Variants in PDZRN4 observed in about 807,000 individuals in gnomAD.
The protein encoded by PDZRN4 is PDZ domain containing ring finger 4.
PDZRN4 carries 70 observed loss-of-function variants against 99.0 expected under a neutral mutation model. That is an observed-to-expected ratio of 0.71 (90% CI 0.58 to 0.86). The LOEUF (loss-of-function observed/expected upper bound fraction) is 0.86, where lower values mean the gene tolerates loss of function less well. PDZRN4 is among the 40% of genes least tolerant of loss of function. The pLI is 0.00. For missense variants in PDZRN4, 1,474 were observed against 1,331.2 expected (o/e 1.11, Z -1.67); for synonymous variants, 551 against 501.6 (o/e 1.10, Z -1.32).
At chr12:41,433,912 A>C (rs1323318591) in intron 3 of PDZRN4, among the ~76,000 whole-genome samples, 4 of 152,214 alleles carry the variant, frequency 2.6e-5, no homozygotes, top group Admixed American at 2.0e-4. Context: ...AACAAATGTC[A>C]GTTTAATGAA....
At chr12:41,200,831 A>G (rs1037618064) in intron 3 of PDZRN4, among the ~76,000 whole-genome samples, 7 of 152,068 alleles carry the variant, frequency 4.6e-5, no homozygotes, top group African/African-American at 1.7e-4. Context: ...ATTTATTTCC[A>G]GGAAAGAAGG....
At chr12:41,380,567 A>T (rs979336707) in intron 3 of PDZRN4, among the ~76,000 whole-genome samples, 5 of 152,164 alleles carry the variant, frequency 3.3e-5, no homozygotes, top group African/African-American at 1.2e-4. Flanking sequence ...ATAACGTCCT[A>T]CTTAAGCTAT....
rs190309855 is a variant in PDZRN4 at position 41,322,078 on chromosome 12, C to T, written c.843+127890C>T. Among the ~76,000 whole-genome samples, 17 of 152,224 alleles carry T rather than the reference C, an allele frequency of 1.1e-4. No individual in the cohort carries two copies. The East Asian group carries it at 1.7e-3, about 16-fold the overall frequency. ...GAGACAGTCTTGCTCTTCACCCAGG[C>T]TGCAGTGCAATGGCATGATTTTGGC... On this transcript the variant is annotated intron_variant, in intron 3 of 9. Coordinates refer to ENST00000402685, the MANE Select transcript of PDZRN4 (RefSeq NM_001164595.2).
At position 41,552,691 on chromosome 12, in the gene PDZRN4, G is replaced by T. The variant is rs761491546; in HGVS notation, c.1239G>T (p.Lys413Asn). 18 of 1,613,752 alleles carry T rather than the reference G, an allele frequency of 1.1e-5. No individual in the cohort carries two copies. Among genetic ancestry groups the T allele is most frequent in the Non-Finnish European group, 1.5e-5 (18 of 1,179,840 alleles). ...TGTGTCGTGTTAGCAGTCAAGAGAA[G>T]CTGGGCCTGACAGTCTGTTACCGAA... ...VELCRVSSQE[K>N]LGLTVCYRTD... The change falls in exon 6 of 10, where the codon AAG becomes AAT. Residue 413 changes from lysine (K) to asparagine (N), a missense_variant. Lys to Asn is a moderately conservative substitution (Grantham distance 94). Transcript: ENST00000402685.
At chr12:41,303,938 G>A (rs1951553076) in intron 3 of PDZRN4, among the ~76,000 whole-genome samples, 1 of 152,084 alleles carries the variant, frequency 6.6e-6, no homozygotes, top group Non-Finnish European at 1.5e-5. Flanking sequence ...TCTTGTTTTA[G>A]TACCTACTGT....
chr12:41,229,362 C>G (rs1199479048), intron 3 of PDZRN4, among the ~76,000 whole-genome samples: 1 of 151,844 alleles, frequency 6.6e-6, no homozygotes, highest in South Asian at 2.1e-4. Flanking sequence ...AGTCTTATAA[C>G]CAAAAATGGC....
At position 41,573,189 on chromosome 12, in the gene PDZRN4, G is replaced by A. The variant is rs375067300; in HGVS notation, c.2410G>A (p.Ala804Thr). ...CAAAACCACTGAGCAAGGTTGTAGC[G>A]CTGAAAGCAAGGAGAAGGTTTTAGA... ...KAKTTEQGCS[A>T]ESKEKVLEGS... Residue 804 changes from alanine (A) to threonine (T), a missense_variant, in exon 10 of 10, where the codon GCT (alanine) becomes ACT (threonine). Physicochemically the swap from Ala to Thr is moderately conservative, Grantham distance 58 (BLOSUM62 0). Coordinates refer to ENST00000402685, the MANE Select transcript of PDZRN4 (RefSeq NM_001164595.2). 2.2e-5 allele frequency: 36 copies of A among 1,613,980 alleles called. No individual in the cohort carries two copies. The South Asian group carries it at 3.2e-4, about 14-fold the overall frequency.
intron 3 of PDZRN4, 72 bp from the exon 4 acceptor site, chr12:41,506,384 C>CT: frequency 7.1e-7 from 1 of 1,414,562 alleles, no homozygotes; most frequent in Non-Finnish European, 9.6e-7. Context: ...TTCTCTCTGT[C>CT]TTTTATTAAT....
intron 3 of PDZRN4, among the ~76,000 whole-genome samples, chr12:41,484,466 C>T (rs1194749502): frequency 6.6e-6 from 1 of 152,116 alleles, no homozygotes; most frequent in Non-Finnish European, 1.5e-5. Flanking sequence ...TTAGGTAAGT[C>T]ACTTAAAATC....
rs1478943714 is a variant in PDZRN4 at position 41,573,822 on chromosome 12, A to T, written c.3043A>T (p.Thr1015Ser). Residue 1015 changes from threonine to serine, a missense_variant, in exon 10 of 10, where the codon ACC (threonine) becomes TCC (serine). Coordinates refer to ENST00000402685, the MANE Select transcript of PDZRN4 (RefSeq NM_001164595.2). ...DNWMTIQELM[T>S]HGAKSPDGTR... ...CTGGATGACAATCCAAGAACTGATGACCCATGGGGCCAAGTCTCCAGATGG... is the reference window on the plus strand; with the variant it reads ...CTGGATGACAATCCAAGAACTGATGTCCCATGGGGCCAAGTCTCCAGATGG... 1 of 1,610,272 alleles carries T rather than the reference A, an allele frequency of 6.2e-7. No homozygotes were observed. The highest frequency in any genetic ancestry group is 1.7e-5 in the Admixed American group (1 of 59,424).
rs143446417 is a variant in PDZRN4 at position 41,239,656 on chromosome 12, G to A, written c.843+45468G>A. The stretch of plus-strand genomic sequence containing the variant: ...ATTGGGGGTAAGAAAGGTGACAAAA[G>A]ACACATCAAATAAGTCATTTTCAAG... On this transcript the variant is annotated intron_variant, in intron 3 of 9. Transcript: ENST00000402685. Among the ~76,000 whole-genome samples the A allele has an allele frequency of 7.0e-3, 1,069 of 152,214 alleles. 14 individuals carry two copies. Among genetic ancestry groups the A allele is most frequent in the African/African-American group, 0.024 (1,004 of 41,550 alleles).
chr12:41,561,880 T>G (rs1172937809), intron 7 of PDZRN4, among the ~76,000 whole-genome samples: 1 of 152,006 alleles, frequency 6.6e-6, no homozygotes, highest in African/African-American at 2.4e-5. Context: ...AAGTCATTAT[T>G]TTAAAACTAC....
Position 41,572,562 on chromosome 12 carries a change from C to A in PDZRN4, c.1783C>A (p.Leu595Met). 1 of 1,614,118 alleles carries A rather than the reference C, an allele frequency of 6.2e-7. No homozygotes were observed. Among genetic ancestry groups the A allele is most frequent in the Non-Finnish European group, 8.5e-7 (1 of 1,179,988 alleles). ...KRDLGQSQDT[L>M]GSVELQYNES... The stretch of plus-strand genomic sequence containing the variant: ...AGACCTGGGGCAGAGCCAAGACACT[C>A]TGGGAAGTGTTGAACTTCAGTACAA... Residue 595 changes from leucine (L) to methionine (M), a missense_variant, in exon 10 of 10, where the codon CTG (leucine) becomes ATG (methionine). Transcript: ENST00000402685.
intron 5 of PDZRN4, 26 bp downstream of exon 5, chr12:41,509,939 C>T (rs772339664): frequency 9.3e-7 from 1 of 1,076,488 alleles, no homozygotes; most frequent in South Asian, 1.4e-5. Context: ...TACCACTTCA[C>T]ATTTCTTCAT....
intron 3 of PDZRN4, among the ~76,000 whole-genome samples, chr12:41,355,928 T>C (rs142297727): frequency 1.8e-4 from 28 of 152,056 alleles, no homozygotes; most frequent in Non-Finnish European, 3.5e-4. Context: ...ACTGTGATTT[T>C]ACAAGTGGGT....
intron 3 of PDZRN4, among the ~76,000 whole-genome samples, chr12:41,378,595 T>C (rs1171689535): frequency 6.8e-6 from 1 of 146,996 alleles, no homozygotes; most frequent in Non-Finnish European, 1.5e-5. Flanking sequence ...TGATCTTGGC[T>C]CACTGCAACA....
chr12:41,216,609 T>C (rs17129122), intron 3 of PDZRN4, among the ~76,000 whole-genome samples: 14,957 of 152,058 alleles, frequency 0.098, 1,372 homozygotes, highest in African/African-American at 0.24. Context: ...CTGCATATTC[T>C]AAACACTAAA....
intron 5 of PDZRN4, among the ~76,000 whole-genome samples, chr12:41,517,882 AGC>A (rs1350041112): frequency 6.6e-6 from 1 of 152,104 alleles, no homozygotes; most frequent in African/African-American, 2.4e-5. Flanking sequence ...GGTATCAAGT[AGC>A]ACACCTCTCC....
chr12:41,342,963 T>C (rs1951828108), intron 3 of PDZRN4, among the ~76,000 whole-genome samples: 1 of 151,864 alleles, frequency 6.6e-6, no homozygotes, highest in Non-Finnish European at 1.5e-5. Context: ...TCCCTAAGTA[T>C]CCAACAATTA....
Sources: allele counts gnomAD v4.1 joint callset (sites outside exome capture counted in the v4.1 genomes callset), GRCh38; gene constraint gnomAD v4.1.1; transcripts MANE v1.5; gene names NCBI Gene and HGNC (gene_info 2026-07-23, HGNC 2026-07-21).